The following CNTN1 variants were observed in gnomAD, a reference collection of about 807,000 sequenced individuals.
CNTN1 encodes the protein contactin 1.
In CNTN1, 38 loss-of-function variants were observed where a neutral mutation model predicts 126.4. The observed-to-expected ratio is 0.30, with a 90% CI of 0.23 to 0.39. The LOEUF is 0.39. Among genes scored for constraint, CNTN1 ranks in the 10% least tolerant of loss-of-function variants. The pLI is 1.00. For missense variants in CNTN1, 1,009 were observed against 1,248.4 expected (o/e 0.81, Z 2.89); for synonymous variants, 413 against 422.6 (o/e 0.98, Z 0.28).
intron 1 of CNTN1, among the ~76,000 whole-genome samples, chr12:40,745,449 T>C (rs923106418): frequency 4.6e-5 from 7 of 152,102 alleles, no homozygotes; most frequent in Non-Finnish European, 8.8e-5. Context: ...TTCCAGCTTA[T>C]AGGTGAATTT....
chr12:40,746,829 T>C (rs1466859688), intron 1 of CNTN1, among the ~76,000 whole-genome samples: 6 of 152,070 alleles, frequency 3.9e-5, no homozygotes, highest in Non-Finnish European at 8.8e-5. Context: ...GAAGTGTGCA[T>C]GCTTGAGCCC....
At chr12:40,920,513 G>A (rs1382567942) in intron 4 of CNTN1, among the ~76,000 whole-genome samples, 1 of 152,044 alleles carries the variant, frequency 6.6e-6, no homozygotes, top group African/African-American at 2.4e-5. Flanking sequence ...AAAAAAGTGG[G>A]GGGAAAGAAC....
At position 40,766,874 on chromosome 12, in the gene CNTN1, C is replaced by G. The variant is rs138316788; in HGVS notation, c.-77+74282C>G. Among the ~76,000 whole-genome samples, 363 of 152,226 alleles carry G rather than the reference C, an allele frequency of 2.4e-3. 2 individuals carry two copies. Among genetic ancestry groups the G allele is most frequent in the African/African-American group, 8.4e-3 (350 of 41,526 alleles). On this transcript the variant is annotated intron_variant, in intron 1 of 23. Transcript: ENST00000551295. ...TGTGTGGATAGTGGTGCTTCTCAAT[C>G]AGACAGGAATATATGGACAGAGCAG...
chr12:40,806,623 G>A (rs1029209946), intron 1 of CNTN1, among the ~76,000 whole-genome samples: 5 of 152,028 alleles, frequency 3.3e-5, no homozygotes, highest in Admixed American at 3.3e-4. Flanking sequence ...AATATCCTTG[G>A]AGCCTGCAAG....
At chr12:40,969,738 G>A (rs1404727774) in intron 15 of CNTN1, among the ~76,000 whole-genome samples, 1 of 152,170 alleles carries the variant, frequency 6.6e-6, no homozygotes, top group Non-Finnish European at 1.5e-5. Flanking sequence ...CACCCCTGAA[G>A]AGCCAACACC....
intron 1 of CNTN1, among the ~76,000 whole-genome samples, chr12:40,907,933 A>T (rs1309519109): frequency 6.6e-6 from 1 of 152,238 alleles, no homozygotes; most frequent in Non-Finnish European, 1.5e-5. Flanking sequence ...CTTCAATTGA[A>T]TCTTTGAACC....
chr12:41,029,560 A>G (rs1202501610), intron 23 of CNTN1, among the ~76,000 whole-genome samples: 1 of 152,158 alleles, frequency 6.6e-6, no homozygotes, highest in Non-Finnish European at 1.5e-5. Flanking sequence ...CATATATCAA[A>G]TCTTCATGTT....
intron 1 of CNTN1, among the ~76,000 whole-genome samples, chr12:40,758,516 C>G (rs1938699983): frequency 6.6e-6 from 1 of 152,014 alleles, no homozygotes; most frequent in African/African-American, 2.4e-5. Flanking sequence ...ATTGTGTCTT[C>G]TGTAGATTTT....
chr12:40,971,983 G>A (rs745538221), intron 15 of CNTN1: 50 of 1,000,198 alleles, frequency 5.0e-5, no homozygotes, highest in Admixed American at 6.1e-5. Context: ...GCATTACTCC[G>A]GCAGTCTTTT....
chr12:40,808,093 T>G (rs1436262921), intron 1 of CNTN1, among the ~76,000 whole-genome samples: 1 of 152,186 alleles, frequency 6.6e-6, no homozygotes, highest in East Asian at 1.9e-4. Flanking sequence ...TCCCTGGGTG[T>G]TCTTTTAGAT....
At chr12:40,932,368 C>G (rs1335317529) in intron 7 of CNTN1, among the ~76,000 whole-genome samples, 1 of 148,734 alleles carries the variant, frequency 6.7e-6, no homozygotes, top group Non-Finnish European at 1.5e-5. Context: ...TCCCTTTGCT[C>G]TTCCTTAATC....
chr12:40,715,171 C>T (rs922919079), intron 1 of CNTN1, among the ~76,000 whole-genome samples: 2 of 152,166 alleles, frequency 1.3e-5, no homozygotes, highest in African/African-American at 4.8e-5. Flanking sequence ...TCCTTGACCC[C>T]GCTATCGAAA....
chr12:40,971,526 A>G, intron 15 of CNTN1: 1 of 1,580,322 alleles, frequency 6.3e-7, no homozygotes, highest in Non-Finnish European at 8.5e-7. Flanking sequence ...GTTGACACTC[A>G]CCATTTCTGT....
intron 1 of CNTN1, among the ~76,000 whole-genome samples, chr12:40,843,593 A>T (rs901402018): frequency 9.9e-5 from 15 of 152,204 alleles, no homozygotes; most frequent in African/African-American, 3.6e-4. Flanking sequence ...CTCGGCTCAC[A>T]TATGAATGGA....
At chr12:40,842,470 T>A (rs773173738) in intron 1 of CNTN1, among the ~76,000 whole-genome samples, 9 of 152,116 alleles carry the variant, frequency 5.9e-5, no homozygotes, top group Non-Finnish European at 1.3e-4. Flanking sequence ...GATTTGATCA[T>A]CACACATTGT....
rs983925515 is a variant in CNTN1 at position 40,942,113 on chromosome 12, G to T, written c.1380-1484G>T. ...CCACTGCTACTTCATTATAATTTTT[G>T]TTGTGCTTCTTGAAAAATAATTAAA... is the stretch of plus-strand genomic sequence containing the variant. On this transcript the variant is annotated intron_variant, in intron 12 of 23. Transcript: ENST00000551295. 4.6e-5 allele frequency among the ~76,000 whole-genome samples: 7 copies of T among 152,168 alleles called. No individual in the cohort carries two copies. The East Asian group carries it at 1.2e-3, about 25-fold the overall frequency.
intron 17 of CNTN1, chr12:41,004,988 A>G (rs1041315504): frequency 6.6e-6 from 1 of 152,046 alleles, no homozygotes; most frequent in Non-Finnish European, 1.5e-5. Context: ...TTAGCTGGTT[A>G]TTTTGCAGAC....
chr12:40,939,412 T>C lies in CNTN1; in HGVS notation c.1306T>C (p.Cys436Arg). ...TAAAGGTGGAAGGGTGATAATTGAA[T>C]GCAAACCTAAAGCTGCACCGAAACC... ...AAKGGRVIIE[C>R]KPKAAPKPKF... The change falls in exon 12 of 24, where the codon TGC (cysteine) becomes CGC (arginine). Residue 436 changes from cysteine to arginine, a missense_variant. Physicochemically the swap from Cys to Arg is radical, Grantham distance 180. Transcript: ENST00000551295. 1.9e-6 allele frequency: 3 copies of C among 1,613,960 alleles called. No individual in the cohort carries two copies. The highest frequency in any genetic ancestry group is 2.5e-6 in the Non-Finnish European group (3 of 1,179,952).
intron 14 of CNTN1, among the ~76,000 whole-genome samples, chr12:40,953,203 A>G (rs540873101): frequency 5.5e-4 from 84 of 152,288 alleles, no homozygotes; most frequent in Admixed American, 5.4e-3. Context: ...GGTCAACCAC[A>G]TATACACTTT....
Sources: allele counts gnomAD v4.1 joint callset (sites outside exome capture counted in the v4.1 genomes callset), GRCh38; gene constraint gnomAD v4.1.1; transcripts MANE v1.5; gene names NCBI Gene and HGNC (gene_info 2026-07-23, HGNC 2026-07-21).